The following ADGRB3 variants were observed in gnomAD, a reference collection of about 807,000 sequenced individuals.
The protein encoded by ADGRB3 is brain-specific angiogenesis inhibitor 3.
ADGRB3 carries 37 observed loss-of-function variants against 193.4 expected under a neutral mutation model. The observed-to-expected ratio is 0.19, with a 90% CI of 0.15 to 0.25. ADGRB3 has a LOEUF of 0.25. Ranked by LOEUF, ADGRB3 falls within the 10% of genes least tolerant of loss-of-function variation. The pLI is 1.00. For missense variants in ADGRB3, 1,637 were observed against 1,852.9 expected, an observed-to-expected ratio of 0.88 and a Z score of 2.14; for synonymous variants, 690 against 644.2, an observed-to-expected ratio of 1.07 and a Z score of -1.08.
At chr6:69,070,992 G>T (rs1772062864) in intron 16 of ADGRB3, among the ~76,000 whole-genome samples, 1 of 152,132 alleles carries the variant, frequency 6.6e-6, no homozygotes, top group Non-Finnish European at 1.5e-5. Context: ...TATTTTCCTA[G>T]TTGTACCTAG....
intron 10 of ADGRB3, among the ~76,000 whole-genome samples, chr6:68,982,433 G>A (rs1768943713): frequency 6.6e-6 from 1 of 152,126 alleles, no homozygotes; most frequent in Admixed American, 6.6e-5. Flanking sequence ...TATCTGCTTA[G>A]GCTGCCTTTC....
intron 26 of ADGRB3, among the ~76,000 whole-genome samples, chr6:69,353,161 T>G (rs1769264141): frequency 6.6e-6 from 1 of 150,962 alleles, no homozygotes; most frequent in South Asian, 2.1e-4. Context: ...AGAATAACTA[T>G]CAATTGCTTT....
chr6:68,913,087 T>A (rs13202315), intron 3 of ADGRB3, among the ~76,000 whole-genome samples: 1 of 152,120 alleles, frequency 6.6e-6, no homozygotes, highest in Non-Finnish European at 1.5e-5. Context: ...GAGGCCTGCC[T>A]GCCTCTGTAG....
At chr6:69,064,337 A>G (rs1436098132) in intron 16 of ADGRB3, among the ~76,000 whole-genome samples, 1 of 149,988 alleles carries the variant, frequency 6.7e-6, no homozygotes, top group Non-Finnish European at 1.5e-5. Flanking sequence ...ACTATTCTAA[A>G]TAGTTTAACT....
intron 3 of ADGRB3, among the ~76,000 whole-genome samples, chr6:68,907,925 T>C (rs958202693): frequency 1.3e-4 from 20 of 152,026 alleles, no homozygotes; most frequent in South Asian, 6.2e-4. Context: ...AAACAAACCC[T>C]TCAATGTCTA....
intron 4 of ADGRB3, 56 bp from the exon 5 acceptor site, chr6:68,936,463 T>C (rs1048783330): frequency 1.8e-5 from 28 of 1,548,900 alleles, no homozygotes; most frequent in Middle Eastern, 1.7e-4. Context: ...GGTATAATGC[T>C]TACTAGATGA....
At chr6:69,203,058 G>A (rs1252907455) in intron 17 of ADGRB3, among the ~76,000 whole-genome samples, 2 of 152,022 alleles carry the variant, frequency 1.3e-5, no homozygotes, top group Non-Finnish European at 1.5e-5. Context: ...ACATAACATA[G>A]TGATCACAGC....
intron 19 of ADGRB3, among the ~76,000 whole-genome samples, chr6:69,237,479 A>C (rs1056336128): frequency 6.6e-6 from 1 of 152,052 alleles, no homozygotes; most frequent in Non-Finnish European, 1.5e-5. Flanking sequence ...CCTTGTCATC[A>C]CTGTATTAAC....
intron 3 of ADGRB3, among the ~76,000 whole-genome samples, chr6:68,716,872 A>G (rs1180903509): frequency 6.6e-6 from 1 of 151,742 alleles, no homozygotes; most frequent in African/African-American, 2.4e-5. Flanking sequence ...CTGACTTCTG[A>G]AAATGATTTA....
intron 3 of ADGRB3, among the ~76,000 whole-genome samples, chr6:68,868,351 T>C (rs1309161501): frequency 1.3e-5 from 2 of 152,190 alleles, no homozygotes; most frequent in Admixed American, 1.3e-4. Flanking sequence ...GATTGTAAGT[T>C]TCTGAGGCCT....
chr6:69,107,624 A>G (rs1172885608), intron 17 of ADGRB3, among the ~76,000 whole-genome samples: 1 of 152,202 alleles, frequency 6.6e-6, no homozygotes, highest in African/African-American at 2.4e-5. Flanking sequence ...CACAATAACA[A>G]AGACAAGCAG....
At chr6:69,092,941 GC>G (rs1312296238) in intron 17 of ADGRB3, among the ~76,000 whole-genome samples, 1 of 151,962 alleles carries the variant, frequency 6.6e-6, no homozygotes, top group East Asian at 1.9e-4. Flanking sequence ...GGGGTGGGCA[GC>G]CGAGATTCAG....
intron 3 of ADGRB3, among the ~76,000 whole-genome samples, chr6:68,873,866 T>A (rs902626075): frequency 7.2e-5 from 11 of 152,194 alleles, no homozygotes; most frequent in African/African-American, 2.2e-4. Flanking sequence ...TAATTCTGTA[T>A]GCCTGGATGA....
At chr6:69,080,051 A>G (rs924298439) in intron 17 of ADGRB3, among the ~76,000 whole-genome samples, 1 of 152,010 alleles carries the variant, frequency 6.6e-6, no homozygotes, top group Non-Finnish European at 1.5e-5. Flanking sequence ...ATTGAATTGA[A>G]CTAATTTCTC....
intron 20 of ADGRB3, among the ~76,000 whole-genome samples, chr6:69,260,266 A>C (rs1403933955): frequency 6.6e-6 from 1 of 152,182 alleles, no homozygotes; most frequent in Admixed American, 6.5e-5. Flanking sequence ...ATGATTTTAC[A>C]TGGTAAACCT....
intron 3 of ADGRB3, among the ~76,000 whole-genome samples, chr6:68,772,940 C>CAA (rs1766666523): frequency 3.1e-5 from 1 of 32,352 alleles, no homozygotes; most frequent in Non-Finnish European, 5.6e-5. Context: ...TATACATACA[C>CAA]ACACAAAAAT....
At chr6:69,352,778 G>GTT (rs1424139910) in intron 26 of ADGRB3, among the ~76,000 whole-genome samples, 1 of 152,170 alleles carries the variant, frequency 6.6e-6, no homozygotes, top group East Asian at 1.9e-4. Context: ...GTTTTGTTTT[G>GTT]TTTTGTTTTG....
chr6:69,348,196 G>A (rs1026167013), intron 26 of ADGRB3, among the ~76,000 whole-genome samples: 1 of 152,182 alleles, frequency 6.6e-6, no homozygotes, highest in African/African-American at 2.4e-5. Flanking sequence ...AAAAAGCTCA[G>A]ACAGAGAGTT....
intron 8 of ADGRB3, among the ~76,000 whole-genome samples, chr6:68,962,230 A>G (rs1215340707): frequency 3.3e-5 from 5 of 152,204 alleles, no homozygotes; most frequent in Non-Finnish European, 7.3e-5. Context: ...TTTAATAAAT[A>G]CCTAAAATAG....
Sources: allele counts gnomAD v4.1 joint callset (sites outside exome capture counted in the v4.1 genomes callset), GRCh38; gene constraint gnomAD v4.1.1; transcripts MANE v1.5; gene names NCBI Gene and HGNC (gene_info 2026-07-23, HGNC 2026-07-21).